POU4F2: variants seen among roughly 807,000 people sequenced by gnomAD.
POU4F2 encodes the protein POU class 4 homeobox 2, also known as POU domain, class 4, transcription factor 2.
Under a neutral mutation model 21.5 loss-of-function variants are expected in POU4F2, and 10 were observed. That is an observed-to-expected ratio of 0.46 (90% confidence interval 0.29 to 0.79). POU4F2 has a LOEUF of 0.79. Ranked by LOEUF, POU4F2 falls within the 30% of genes least tolerant of loss-of-function variation. The pLI, the probability that POU4F2 is intolerant of heterozygous loss-of-function variation, is 0.10. For missense variants in POU4F2, 623 were observed against 603.3 expected, an observed-to-expected ratio of 1.03 and a Z score of -0.34; for synonymous variants, 324 against 271.1, an observed-to-expected ratio of 1.20 and a Z score of -1.92.
rs774338385 is a variant in POU4F2 at position 146,639,846 on chromosome 4, G to A, written c.289-21G>A. 4 of 1,521,058 alleles carry A rather than the reference G, an allele frequency of 2.6e-6. No individual in the cohort carries two copies. The South Asian group carries it at 3.9e-5, about 15-fold the overall frequency. 94.2% of individuals were successfully genotyped at this position (1,521,058 alleles called of 1,614,324 possible). ...CAATTCCCTGCTGAGCGTAATGTGT[G>A]CCTTCTACTTACAATTGCAGAGCAA... On this transcript the variant is annotated intron_variant, in intron 1 of 1. Coordinates refer to ENST00000281321, the MANE Select transcript of POU4F2 (RefSeq NM_004575.3).
Position 146,640,345 on chromosome 4 carries a change from G to C in POU4F2, c.767G>C (p.Arg256Pro), listed in dbSNP as rs757181039. The change falls in exon 2 of 2, where the codon CGG becomes CCG. Residue 256 changes from arginine to proline, a missense_variant. By Grantham distance (103) the Arg-to-Pro change is moderately radical. Coordinates refer to ENST00000281321, the MANE Select transcript of POU4F2 (RefSeq NM_004575.3). This position sits in a 1 kb window ranked among gnomAD's most constrained non-coding sequence, Gnocchi z 4.8. ...GCMSDVDADP[R>P]DLEAFAERFK... Reference sequence around the variant, plus strand: ...ATGAGCGACGTGGACGCCGACCCGCGGGACCTGGAGGCATTCGCCGAGCGC... The same window carrying C: ...ATGAGCGACGTGGACGCCGACCCGCCGGACCTGGAGGCATTCGCCGAGCGC... The C allele has an allele frequency of 6.3e-7, 1 of 1,586,298 alleles. No homozygotes were observed. The highest frequency in any genetic ancestry group is 8.6e-7 in the Non-Finnish European group (1 of 1,169,506).
At position 146,642,189 on chromosome 4, in the gene POU4F2, C is replaced by T. The variant is rs1283196972; in HGVS notation, c.*1381C>T. 6.6e-6 allele frequency: 1 copy of T among 152,520 alleles called. No homozygotes were observed. The highest frequency in any genetic ancestry group is 1.5e-5 in the Non-Finnish European group (1 of 68,036). The allele number at this position is 152,520 out of a possible 1,614,324, so 9.4% of individuals were successfully genotyped here. On this transcript the variant is annotated 3_prime_UTR_variant, in exon 2 of 2. Transcript: ENST00000281321. Reference sequence around the variant, plus strand: ...AAAATTAGGTACATGATAACTGGTACCTTATCTACTGTAAATATTTCATTA... The same window carrying T: ...AAAATTAGGTACATGATAACTGGTATCTTATCTACTGTAAATATTTCATTA...
At chr4:146,639,788 G>T in intron 1 of POU4F2, 79 bp from the exon 2 acceptor site, 1 of 1,412,098 alleles carries the variant, frequency 7.1e-7, no homozygotes, top group South Asian at 1.4e-5. Context: ...ACGGTGTCGA[G>T]CCCTGGGCCG....
At position 146,639,111 on chromosome 4, in the gene POU4F2, C is replaced by T; in HGVS notation, c.-30C>T. ...CGGCAGCCGGGACCAGTGAGTGCCT[C>T]TACGGACCAGCGCCCCGGCGGGCGG... On this transcript the variant is annotated 5_prime_UTR_variant, in exon 1 of 2. Transcript: ENST00000281321. 6.3e-7 allele frequency: 1 copy of T among 1,598,234 alleles called. No individual in the cohort carries two copies. The highest frequency in any genetic ancestry group is 8.5e-7 in the Non-Finnish European group (1 of 1,173,830).
chr4:146,639,335 C>T lies in POU4F2; in HGVS notation c.195C>T (p.Gly65=), dbSNP rs1405263900. The change falls in exon 1 of 2, where the codon GGC becomes GGT. Residue 65 remains glycine, a synonymous_variant. Coordinates refer to ENST00000281321, the MANE Select transcript of POU4F2 (RefSeq NM_004575.3). The stretch of plus-strand genomic sequence containing the variant: ...GCGGCGGCGGCGGCGGCGGCGGCGG[C>T]GGCGGAGGCCGAAGCAGCAGCTCCA... ...GGGGGGGGGG[G]GGGRSSSSSS... is the part of the protein sequence containing the mutation. The T allele has an allele frequency of 3.4e-6, 5 of 1,468,962 alleles. No individual in the cohort carries two copies. Among genetic ancestry groups the T allele is most frequent in the South Asian group, 1.4e-5 (1 of 73,146 alleles). The allele number at this position is 1,468,962 out of a possible 1,614,324, so 91.0% of individuals were successfully genotyped here.
Position 146,641,343 on chromosome 4 carries a change from A to G in POU4F2, c.*535A>G, listed in dbSNP as rs76180708. On this transcript the variant is annotated 3_prime_UTR_variant, in exon 2 of 2. Transcript: ENST00000281321. ...GGCAGATTTTCTGCATTTACACTGT[A>G]TATTATATATATATTTTTATTGTGG... is the stretch of plus-strand genomic sequence containing the variant. The G allele has an allele frequency of 5.8e-3, 893 of 152,772 alleles. 26 individuals carry two copies. In the East Asian group the frequency reaches 0.084, roughly 14 times the overall value. The allele number at this position is 152,772 out of a possible 1,614,324, so 9.5% of individuals were successfully genotyped here.
At position 146,640,545 on chromosome 4, in the gene POU4F2, C is replaced by G. The variant is rs775723549; in HGVS notation, c.967C>G (p.Leu323Val). Residue 323 changes from leucine to valine, a missense_variant, in exon 2 of 2, where the codon CTC (leucine) becomes GTC (valine). Leu to Val is a conservative substitution (Grantham distance 32). Coordinates refer to ENST00000281321, the MANE Select transcript of POU4F2 (RefSeq NM_004575.3). This position sits in a 1 kb window ranked among gnomAD's most constrained non-coding sequence, Gnocchi z 4.8. Reference protein sequence around the residue: ...IALKPILQAWLEEAEKSHREK... With the variant: ...IALKPILQAWVEEAEKSHREK... The stretch of plus-strand genomic sequence containing the variant: ...GCTCAAACCCATCCTGCAGGCATGG[C>G]TCGAGGAGGCCGAGAAGTCCCACCG... The G allele has an allele frequency of 1.9e-6, 3 of 1,613,828 alleles. No homozygotes were observed. Among genetic ancestry groups the G allele is most frequent in the Non-Finnish European group, 2.5e-6 (3 of 1,179,780 alleles).
At position 146,639,441 on chromosome 4, in the gene POU4F2, G is replaced by T. The variant is rs1740826939; in HGVS notation, c.288+13G>T. 2.1e-6 allele frequency: 3 copies of T among 1,455,774 alleles called. No homozygotes were observed. The highest frequency in any genetic ancestry group is 2.7e-6 in the Non-Finnish European group (3 of 1,110,074). The allele number at this position is 1,455,774 out of a possible 1,614,324, so 90.2% of individuals were successfully genotyped here. On this transcript the variant is annotated intron_variant, in intron 1 of 1. Coordinates refer to ENST00000281321, the MANE Select transcript of POU4F2 (RefSeq NM_004575.3). The stretch of plus-strand genomic sequence containing the variant: ...TCCAACCCCACCGGTGCGTATTTCT[G>T]CATAATCACCGCTTAAAGGCACATT...
Position 146,640,581 on chromosome 4 carries a change from A to T in POU4F2, c.1003A>T (p.Thr335Ser). 7 of 1,613,940 alleles carry T rather than the reference A, an allele frequency of 4.3e-6. No homozygotes were observed. The highest frequency in any genetic ancestry group is 5.9e-6 in the Non-Finnish European group (7 of 1,179,876). ...EAEKSHREKL[T>S]KPELFNGAEK... ...CGAGAAGTCCCACCGCGAGAAGCTC[A>T]CCAAGCCTGAACTCTTCAATGGCGC... Residue 335 changes from threonine (T) to serine (S), a missense_variant, in exon 2 of 2, where the codon ACC (threonine) becomes TCC (serine). Physicochemically the swap from Thr to Ser is moderately conservative, Grantham distance 58. Coordinates refer to ENST00000281321, the MANE Select transcript of POU4F2 (RefSeq NM_004575.3). This position sits in a 1 kb window ranked among gnomAD's most constrained non-coding sequence, Gnocchi z 4.8.
Position 146,640,028 on chromosome 4 carries a change from C to A in POU4F2, c.450C>A (p.Cys150Ter). ...ACCACACTATGAATACCATCCCGTG[C>A]ACGTCGGCCGCCTCTTCTTCATCGG... ...ATYHTMNTIPCTSAASSSSVP... is the reference protein window; with the variant it reads ...ATYHTMNTIP The change falls in exon 2 of 2, where the codon TGC becomes TGA. Residue 150 changes from cysteine to a stop codon, truncating the protein, a stop_gained. Transcript: ENST00000281321. LOFTEE classifies it high-confidence loss of function. This position sits in a 1 kb window ranked among gnomAD's most constrained non-coding sequence, Gnocchi z 4.8. 6.2e-7 allele frequency: 1 copy of A among 1,610,710 alleles called. No individual in the cohort carries two copies. The highest frequency in any genetic ancestry group is 8.5e-7 in the Non-Finnish European group (1 of 1,179,778).
rs1053825742 is a variant in POU4F2, at chr4:146,641,331, C to T, written c.*523C>T. 6.5e-6 allele frequency: 1 copy of T among 152,762 alleles called. No homozygotes were observed. The highest frequency in any genetic ancestry group is 6.5e-5 in the Admixed American group (1 of 15,284). 9.5% of individuals were successfully genotyped at this position (152,762 alleles called of 1,614,324 possible). ...TTAAAAAAAGATGGCAGATTTTCTGCATTTACACTGTATATTATATATATA... is the reference window on the plus strand; with the variant it reads ...TTAAAAAAAGATGGCAGATTTTCTGTATTTACACTGTATATTATATATATA... On this transcript the variant is annotated 3_prime_UTR_variant, in exon 2 of 2. Transcript: ENST00000281321.
In POU4F2 at chr4:146,640,851, T is replaced by C; in HGVS notation, c.*43T>C. On this transcript the variant is annotated 3_prime_UTR_variant, in exon 2 of 2. Transcript: ENST00000281321. This position sits in a 1 kb window ranked among gnomAD's most constrained non-coding sequence, Gnocchi z 4.8. ...CAGAGACGCCCCTTTCCTCGTCCGC[T>C]CTTTTCTCTCCTCTCTTCTGCCTCT... is the stretch of plus-strand genomic sequence containing the variant. 4 of 1,517,380 alleles carry C rather than the reference T, an allele frequency of 2.6e-6. No individual in the cohort carries two copies. Among genetic ancestry groups the C allele is most frequent in the Non-Finnish European group, 3.5e-6 (4 of 1,131,858 alleles). 94.0% of individuals were successfully genotyped at this position (1,517,380 alleles called of 1,614,324 possible).
rs1271043721 is a variant in POU4F2, at chr4:146,642,170, A to T, written c.*1362A>T. On this transcript the variant is annotated 3_prime_UTR_variant, in exon 2 of 2. Transcript: ENST00000281321. ...AAAAATTCTTTTGGAACAAAAAATT[A>T]GGTACATGATAACTGGTACCTTATC... The T allele has an allele frequency of 6.5e-6, 1 of 152,698 alleles. No individual in the cohort carries two copies. The highest frequency in any genetic ancestry group is 1.5e-5 in the Non-Finnish European group (1 of 68,060). 9.5% of individuals were successfully genotyped at this position (152,698 alleles called of 1,614,324 possible).
Position 146,640,517 on chromosome 4 carries a change from C to A in POU4F2, c.939C>A (p.Ile313=). Residue 313 remains isoleucine (I), a synonymous_variant, in exon 2 of 2, where the codon ATC becomes ATA. Coordinates refer to ENST00000281321, the MANE Select transcript of POU4F2 (RefSeq NM_004575.3). This position sits in a 1 kb window ranked among gnomAD's most constrained non-coding sequence, Gnocchi z 4.8. ...TCACACTGTCCCACAATAATATGAT[C>A]GCGCTCAAACCCATCCTGCAGGCAT... ...ESLTLSHNNM[I]ALKPILQAWL... 6.2e-7 allele frequency: 1 copy of A among 1,614,156 alleles called. No individual in the cohort carries two copies. The highest frequency in any genetic ancestry group is 8.5e-7 in the Non-Finnish European group (1 of 1,179,988).
At position 146,638,959 on chromosome 4, in the gene POU4F2, G is replaced by C. The variant is rs1490229791; in HGVS notation, c.-182G>C. The C allele has an allele frequency of 1.4e-6, 1 of 724,786 alleles. No homozygotes were observed. Among genetic ancestry groups the C allele is most frequent in the Non-Finnish European group, 2.1e-6 (1 of 468,748 alleles). The allele number at this position is 724,786 out of a possible 1,614,324, so 44.9% of individuals were successfully genotyped here. A position where few individuals can be genotyped will look rare whatever the true frequency, so the allele number is the denominator to read the frequency against. On this transcript the variant is annotated 5_prime_UTR_variant, in exon 1 of 2. Coordinates refer to ENST00000281321, the MANE Select transcript of POU4F2 (RefSeq NM_004575.3). ...CAGGCATCCGTTCAGACTGACAGCA[G>C]AGGCGGCGAAGGAGCGCGTAGCCGA... is the stretch of plus-strand genomic sequence containing the variant.
Position 146,642,160 on chromosome 4 carries a change from A to T in POU4F2, c.*1352A>T, listed in dbSNP as rs2149969273. On this transcript the variant is annotated 3_prime_UTR_variant, in exon 2 of 2. Coordinates refer to ENST00000281321, the MANE Select transcript of POU4F2 (RefSeq NM_004575.3). ...CATTGTTTGGAAAAATTCTTTTGGA[A>T]CAAAAAATTAGGTACATGATAACTG... is the stretch of plus-strand genomic sequence containing the variant. 6.5e-6 allele frequency: 1 copy of T among 152,766 alleles called. No individual in the cohort carries two copies. The highest frequency in any genetic ancestry group is 1.5e-5 in the Non-Finnish European group (1 of 68,036). 9.5% of individuals were successfully genotyped at this position (152,766 alleles called of 1,614,324 possible).
intron 1 of POU4F2, among the ~76,000 whole-genome samples, 190 bp downstream of exon 1, chr4:146,639,618 C>T (rs1241624109): frequency 2.0e-5 from 3 of 151,894 alleles, no homozygotes; most frequent in African/African-American, 7.3e-5. Flanking sequence ...GTTGCCTGTG[C>T]GCGTGTTGTG....
At position 146,639,444 on chromosome 4, in the gene POU4F2, T is replaced by A; in HGVS notation, c.288+16T>A. 1 of 1,455,356 alleles carries A rather than the reference T, an allele frequency of 6.9e-7. No individual in the cohort carries two copies. The highest frequency in any genetic ancestry group is 2.7e-5 in the East Asian group (1 of 37,478). 90.2% of individuals were successfully genotyped at this position (1,455,356 alleles called of 1,614,324 possible). On this transcript the variant is annotated intron_variant, in intron 1 of 1. Coordinates refer to ENST00000281321, the MANE Select transcript of POU4F2 (RefSeq NM_004575.3). ...AACCCCACCGGTGCGTATTTCTGCA[T>A]AATCACCGCTTAAAGGCACATTTTG...
In POU4F2 at chr4:146,639,358, C is replaced by A. The variant is rs1740824175; in HGVS notation, c.218C>A (p.Ser73Tyr). The A allele has an allele frequency of 6.7e-7, 1 of 1,486,070 alleles. No individual in the cohort carries two copies. Among genetic ancestry groups the A allele is most frequent in the African/African-American group, 1.5e-5 (1 of 66,224 alleles). 92.1% of individuals were successfully genotyped at this position (1,486,070 alleles called of 1,614,324 possible). A position where few individuals can be genotyped will look rare whatever the true frequency, so the allele number is the denominator to read the frequency against. The change falls in exon 1 of 2, where the codon TCC becomes TAC. Residue 73 changes from serine to tyrosine, a missense_variant. Ser to Tyr is a moderately radical substitution (Grantham distance 144, BLOSUM62 -2). Transcript: ENST00000281321. ...GGCGGCGGAGGCCGAAGCAGCAGCT[C>A]CAGCAGCAGTGGCAGCAGCGGCGGC... is the stretch of plus-strand genomic sequence containing the variant. ...GGGGGGRSSSSSSSGSSGGGG... is the reference protein window; with the variant it reads ...GGGGGGRSSSYSSSGSSGGGG...
Sources: allele counts gnomAD v4.1 joint callset (sites outside exome capture counted in the v4.1 genomes callset), GRCh38; gene constraint gnomAD v4.1.1; non-coding constraint Gnocchi (gnomAD v3.1); transcripts MANE v1.5; gene names NCBI Gene and HGNC (gene_info 2026-07-23, HGNC 2026-07-21).